Variants in GRM3 observed in about 807,000 individuals in gnomAD.
The protein encoded by GRM3 is metabotropic glutamate receptor 3.
A neutral mutation model predicts 70.5 loss-of-function variants in GRM3; 26 were observed. The ratio of observed to expected loss-of-function variants is 0.37; its 90% confidence interval spans 0.27 to 0.51. The LOEUF (loss-of-function observed/expected upper bound fraction) is 0.51, where lower values mean the gene tolerates loss of function less well. Among genes scored for constraint, GRM3 ranks in the 20% least tolerant of loss-of-function variants. GRM3 has a pLI of 0.93. For missense variants in GRM3, 859 were observed against 1,123.8 expected (o/e 0.76, Z 3.37); for synonymous variants, 443 against 434.9 (o/e 1.02, Z -0.23).
At chr7:86,798,979 C>CT (rs1374608996) in intron 3 of GRM3, among the ~76,000 whole-genome samples, 1 of 148,468 alleles carries the variant, frequency 6.7e-6, no homozygotes, top group African/African-American at 2.6e-5. Context: ...AACCTCTTTC[C>CT]TTTATAAATT....
chr7:86,706,581 T>A (rs986507275), intron 1 of GRM3, among the ~76,000 whole-genome samples: 2 of 151,858 alleles, frequency 1.3e-5, no homozygotes, highest in Non-Finnish European at 2.9e-5. Context: ...ATCAAGGAGA[T>A]GACACTAATG....
At chr7:86,705,677 T>C (rs1795041137) in intron 1 of GRM3, among the ~76,000 whole-genome samples, 1 of 152,072 alleles carries the variant, frequency 6.6e-6, no homozygotes, top group Admixed American at 6.6e-5. Flanking sequence ...AGAAGCACTT[T>C]TTTGGATCAA....
At chr7:86,758,526 G>A (rs1207779970) in intron 1 of GRM3, among the ~76,000 whole-genome samples, 2 of 152,162 alleles carry the variant, frequency 1.3e-5, no homozygotes, top group Non-Finnish European at 2.9e-5. Context: ...ACATGTGTAC[G>A]TGCACACATA....
chr7:86,832,912 T>C, intron 3 of GRM3: 1 of 514,830 alleles, frequency 1.9e-6, no homozygotes. Flanking sequence ...AGACCTGATT[T>C]TGAAGCACCC....
chr7:86,748,982 AAC>A (rs771002582), intron 1 of GRM3, among the ~76,000 whole-genome samples: 30 of 152,070 alleles, frequency 2.0e-4, no homozygotes, highest in Non-Finnish European at 3.7e-4. Context: ...GATCATTCAA[AAC>A]ACACCCAGAT....
At chr7:86,750,876 T>C (rs1796213896) in intron 1 of GRM3, among the ~76,000 whole-genome samples, 1 of 152,048 alleles carries the variant, frequency 6.6e-6, no homozygotes, top group African/African-American at 2.4e-5. Flanking sequence ...AAAGAATGTA[T>C]ACCTAAAAGG....
rs1195833377 is a variant in GRM3 at position 86,831,660 on chromosome 7, CTAGAG to C, written c.1325-7176_1325-7172del. Among the ~76,000 whole-genome samples the C allele has an allele frequency of 5.3e-5, 8 of 151,904 alleles. No individual in the cohort carries two copies. The East Asian group carries it at 1.5e-3, about 29-fold the overall frequency. On this transcript the variant is annotated intron_variant, in intron 3 of 5. Coordinates refer to ENST00000361669, the MANE Select transcript of GRM3 (RefSeq NM_000840.3). ...TGAGAGTAGATTGTTTCTGAGTTGC[CTAGAG>C]TATTGACAATTTCAACAATAATACG...
rs554512914 is a variant in GRM3 at position 86,655,478 on chromosome 7, G to T, written c.-141+10606G>T. On this transcript the variant is annotated intron_variant, in intron 1 of 5. Transcript: ENST00000361669. The stretch of plus-strand genomic sequence containing the variant: ...TCACTGCCCCTTTAAAAGGTATTCA[G>T]TAAAATATATTACATTTGTGTAATA... Among the ~76,000 whole-genome samples the T allele has an allele frequency of 3.9e-5, 6 of 152,106 alleles. No homozygotes were observed. The South Asian group carries it at 1.2e-3, about 32-fold the overall frequency.
At chr7:86,857,176 C>T (rs1798866728) in intron 5 of GRM3, among the ~76,000 whole-genome samples, 1 of 150,554 alleles carries the variant, frequency 6.6e-6, no homozygotes, top group Admixed American at 6.6e-5. Context: ...CAGCTCTATA[C>T]CTGATGGCAT....
At chr7:86,795,034 A>G (rs761298459) in intron 3 of GRM3, among the ~76,000 whole-genome samples, 12 of 152,030 alleles carry the variant, frequency 7.9e-5, no homozygotes, top group Admixed American at 6.5e-5. Context: ...ATTAATATTA[A>G]CCTACTACTT....
At chr7:86,676,427 A>G (rs1005130324) in intron 1 of GRM3, among the ~76,000 whole-genome samples, 3 of 88,876 alleles carry the variant, frequency 3.4e-5, no homozygotes, top group African/African-American at 1.3e-4. Context: ...TCTGTAGAAA[A>G]GCAGCAGGAT....
intron 2 of GRM3, 60 bp downstream of exon 2, chr7:86,765,673 G>C: frequency 7.4e-7 from 1 of 1,359,678 alleles, no homozygotes; most frequent in East Asian, 2.4e-5. Context: ...TGTGTTGGGG[G>C]AACAAAAGGA....
intron 1 of GRM3, among the ~76,000 whole-genome samples, chr7:86,726,068 G>C (rs1221963927): frequency 1.3e-5 from 2 of 152,194 alleles, no homozygotes; most frequent in Admixed American, 1.3e-4. Context: ...CTATCAGATA[G>C]TTGTGCTAGA....
Position 86,710,416 on chromosome 7 carries a change from C to T in GRM3, c.-140-54590C>T, listed in dbSNP as rs186772100. On this transcript the variant is annotated intron_variant, in intron 1 of 5. Transcript: ENST00000361669. ...TGAAATTTCACATTTGAATAAATTACGTTTATGTTTTATATTTACTGGGAA... is the reference window on the plus strand; with the variant it reads ...TGAAATTTCACATTTGAATAAATTATGTTTATGTTTTATATTTACTGGGAA... Among the ~76,000 whole-genome samples, 34 of 150,256 alleles carry T rather than the reference C, an allele frequency of 2.3e-4. 1 individual carries two copies. The highest frequency in any genetic ancestry group is 1.7e-3 in the Admixed American group (25 of 15,086).
intron 1 of GRM3, among the ~76,000 whole-genome samples, chr7:86,690,788 G>A (rs1794678928): frequency 6.6e-6 from 1 of 152,108 alleles, no homozygotes; most frequent in African/African-American, 2.4e-5. Flanking sequence ...ATTTAAGAAT[G>A]AGGAGGTTTG....
At chr7:86,857,559 A>G (rs1409251887) in intron 5 of GRM3, among the ~76,000 whole-genome samples, 1 of 152,222 alleles carries the variant, frequency 6.6e-6, no homozygotes, top group African/African-American at 2.4e-5. Context: ...AGAAGCCAAT[A>G]AAGTGTTCTG....
intron 3 of GRM3, among the ~76,000 whole-genome samples, chr7:86,787,681 T>A (rs1797295359): frequency 1.3e-5 from 2 of 152,146 alleles, no homozygotes; most frequent in Admixed American, 1.3e-4. Context: ...ACCAAAACAT[T>A]TATATATTAT....
chr7:86,846,128 C>G (rs759799843), intron 4 of GRM3, among the ~76,000 whole-genome samples: 10 of 152,146 alleles, frequency 6.6e-5, no homozygotes, highest in Non-Finnish European at 1.2e-4. Context: ...CTTTCTCATT[C>G]TTTGTCAACA....
intron 4 of GRM3, among the ~76,000 whole-genome samples, chr7:86,843,685 T>C (rs1180471790): frequency 1.3e-5 from 2 of 152,200 alleles, no homozygotes; most frequent in East Asian, 3.8e-4. Context: ...CAAAAAATAT[T>C]TGAGGACTTA....
Sources: allele counts gnomAD v4.1 joint callset (sites outside exome capture counted in the v4.1 genomes callset), GRCh38; gene constraint gnomAD v4.1.1; transcripts MANE v1.5; gene names NCBI Gene and HGNC (gene_info 2026-07-23, HGNC 2026-07-21).